Variants in UNC5D observed in about 807,000 individuals in gnomAD.
UNC5D encodes netrin receptor UNC5D.
In UNC5D, 39 loss-of-function variants were observed where a neutral mutation model predicts 105.4. That is an observed-to-expected ratio of 0.37 (90% CI 0.29 to 0.48). The LOEUF is 0.48. UNC5D is among the 20% of genes least tolerant of loss of function. UNC5D has a pLI of 0.98. For synonymous variants in UNC5D, 452 were observed against 450.4 expected (o/e 1.00, Z -0.04); for missense variants, 991 against 1,202.4 (o/e 0.82, Z 2.60).
intron 1 of UNC5D, among the ~76,000 whole-genome samples, chr8:35,243,421 TG>T (rs1357076271): frequency 1.3e-5 from 2 of 152,124 alleles, no homozygotes; most frequent in Non-Finnish European, 2.9e-5. Flanking sequence ...TTGAGCTAAT[TG>T]GGGTCTTATA....
intron 1 of UNC5D, among the ~76,000 whole-genome samples, chr8:35,508,050 G>T (rs1458825173): frequency 1.3e-5 from 2 of 152,136 alleles, no homozygotes; most frequent in African/African-American, 4.8e-5. Context: ...GTCACACATT[G>T]GTCCTATCAT....
intron 4 of UNC5D, among the ~76,000 whole-genome samples, chr8:35,606,094 T>A (rs1820275212): frequency 6.6e-6 from 1 of 151,912 alleles, no homozygotes; most frequent in African/African-American, 2.4e-5. Flanking sequence ...TTCAAATGAT[T>A]CTCCTGGCTC....
chr8:35,351,524 T>C (rs573796759), intron 1 of UNC5D, among the ~76,000 whole-genome samples: 3 of 152,222 alleles, frequency 2.0e-5, no homozygotes, highest in South Asian at 4.1e-4. Context: ...TGCTTCTGAA[T>C]TGTATCCAGT....
rs143018593 is a variant in UNC5D at position 35,586,851 on chromosome 8, G to A, written c.467-8703G>A. On this transcript the variant is annotated intron_variant, in intron 3 of 16. Coordinates refer to ENST00000404895, the MANE Select transcript of UNC5D (RefSeq NM_080872.4). ...CATTAACTGCCAGAACATTGAATGA[G>A]CCGATAACTCCCTGGTGTTGCTGAG... Among the ~76,000 whole-genome samples the A allele has an allele frequency of 4.3e-4, 66 of 152,266 alleles. 1 individual carries two copies. Among genetic ancestry groups the A allele is most frequent in the African/African-American group, 1.4e-3 (57 of 41,556 alleles).
chr8:35,271,930 A>G (rs987206469), intron 1 of UNC5D, among the ~76,000 whole-genome samples: 1 of 151,958 alleles, frequency 6.6e-6, no homozygotes, highest in Non-Finnish European at 1.5e-5. Context: ...AGAAGCCTTC[A>G]TGTCACCGCT....
intron 1 of UNC5D, among the ~76,000 whole-genome samples, chr8:35,326,265 T>G (rs1396926182): frequency 6.6e-6 from 1 of 152,158 alleles, no homozygotes; most frequent in Non-Finnish European, 1.5e-5. Flanking sequence ...ATCCTGTGAA[T>G]AAGACTGTAG....
At chr8:35,521,440 G>A (rs1202411605) in intron 1 of UNC5D, among the ~76,000 whole-genome samples, 2 of 152,078 alleles carry the variant, frequency 1.3e-5, no homozygotes, top group Non-Finnish European at 2.9e-5. Context: ...TATATTTTTA[G>A]GAAATCATGA....
chr8:35,765,397 C>A (rs922324653), intron 14 of UNC5D, among the ~76,000 whole-genome samples: 1 of 152,208 alleles, frequency 6.6e-6, no homozygotes, highest in Admixed American at 6.5e-5. Context: ...TGCCTATAGA[C>A]CTTCTCTACA....
chr8:35,295,100 A>G (rs1807383244), intron 1 of UNC5D, among the ~76,000 whole-genome samples: 1 of 152,178 alleles, frequency 6.6e-6, no homozygotes, highest in South Asian at 2.1e-4. Flanking sequence ...AAGTTATTAC[A>G]GTAATACAGT....
At chr8:35,721,313 T>C in intron 8 of UNC5D, 1 of 650,636 alleles carries the variant, frequency 1.5e-6, no homozygotes, top group Non-Finnish European at 2.8e-6. Context: ...ATCATGGATC[T>C]GCTACAGGAA....
At chr8:35,357,256 A>T (rs1563340551) in intron 1 of UNC5D, among the ~76,000 whole-genome samples, 1 of 152,148 alleles carries the variant, frequency 6.6e-6, no homozygotes, top group Non-Finnish European at 1.5e-5. Context: ...ACGAGAAAAA[A>T]GTCAAATACC....
intron 1 of UNC5D, among the ~76,000 whole-genome samples, chr8:35,546,788 TA>T (rs1238609946): frequency 6.6e-6 from 1 of 151,634 alleles, no homozygotes; most frequent in African/African-American, 2.4e-5. Flanking sequence ...CCATTTTAAA[TA>T]TAATTAAAAT....
At chr8:35,643,896 C>T (rs1048657188) in intron 4 of UNC5D, among the ~76,000 whole-genome samples, 2 of 152,162 alleles carry the variant, frequency 1.3e-5, no homozygotes, top group African/African-American at 4.8e-5. Context: ...TCATCAGTCT[C>T]AGGGCCTGAG....
intron 1 of UNC5D, among the ~76,000 whole-genome samples, chr8:35,398,439 A>G (rs1367968829): frequency 1.3e-5 from 2 of 152,108 alleles, no homozygotes; most frequent in Non-Finnish European, 2.9e-5. Context: ...GCTCATGGGC[A>G]TTATAGCCAG....
At chr8:35,324,387 C>T (rs925381820) in intron 1 of UNC5D, among the ~76,000 whole-genome samples, 8 of 152,104 alleles carry the variant, frequency 5.3e-5, no homozygotes, top group African/African-American at 1.4e-4. Flanking sequence ...AAAATCCTTT[C>T]CCATTTTCTT....
chr8:35,441,860 G>T (rs1021190479), intron 1 of UNC5D, among the ~76,000 whole-genome samples: 1 of 151,516 alleles, frequency 6.6e-6, no homozygotes, highest in Non-Finnish European at 1.5e-5. Flanking sequence ...AATAAGAAGC[G>T]GGACAACCAA....
At chr8:35,644,399 C>T (rs1822927498) in intron 4 of UNC5D, among the ~76,000 whole-genome samples, 1 of 152,110 alleles carries the variant, frequency 6.6e-6, no homozygotes, top group African/African-American at 2.4e-5. Context: ...AGATGTTTGC[C>T]TTTGCTGTAG....
intron 1 of UNC5D, among the ~76,000 whole-genome samples, chr8:35,281,201 T>G (rs1311659660): frequency 6.6e-6 from 1 of 152,180 alleles, no homozygotes; most frequent in Non-Finnish European, 1.5e-5. Context: ...CTCTTTGCCC[T>G]GATGAAAATT....
chr8:35,256,917 C>A (rs552723157), intron 1 of UNC5D, among the ~76,000 whole-genome samples: 3 of 150,780 alleles, frequency 2.0e-5, no homozygotes, highest in Non-Finnish European at 4.4e-5. Flanking sequence ...ATACTGAAAT[C>A]CATCTTTTTG....
Sources: allele counts gnomAD v4.1 joint callset (sites outside exome capture counted in the v4.1 genomes callset), GRCh38; gene constraint gnomAD v4.1.1; transcripts MANE v1.5; gene names NCBI Gene and HGNC (gene_info 2026-07-23, HGNC 2026-07-21).